The following NFE2L3 variants were observed in gnomAD, a reference collection of about 807,000 sequenced individuals.
NFE2L3 encodes the protein NFE2 like bZIP transcription factor 3.
In NFE2L3, 18 loss-of-function variants were observed where a neutral mutation model predicts 23.5. That is an observed-to-expected ratio of 0.77 (90% CI 0.53 to 1.13). The LOEUF is 1.13. Among genes scored for constraint, NFE2L3 ranks in the 50% most tolerant of loss-of-function variants. The probability of loss-of-function intolerance (pLI) is 0.00; values close to 1 mark genes in which losing one functional copy is unlikely to be tolerated. For missense variants in NFE2L3, 1,152 were observed against 877.2 expected (o/e 1.31, Z -3.96); for synonymous variants, 424 against 354.5 (o/e 1.20, Z -2.20).
chr7:26,166,610 G>A (rs1583929835), intron 1 of NFE2L3, among the ~76,000 whole-genome samples: 2 of 152,178 alleles, frequency 1.3e-5, no homozygotes, highest in East Asian at 1.9e-4. Context: ...CAGGGATGCC[G>A]AGCAGCTTCA....
chr7:26,176,014 G>A (rs1057478105), intron 1 of NFE2L3, among the ~76,000 whole-genome samples: 30 of 151,652 alleles, frequency 2.0e-4, no homozygotes, highest in Non-Finnish European at 4.0e-4. Context: ...GTGGCCTTCC[G>A]CAGTGTTTGT....
intron 1 of NFE2L3, among the ~76,000 whole-genome samples, chr7:26,156,897 G>C (rs1313236521): frequency 6.6e-6 from 1 of 152,004 alleles, no homozygotes; most frequent in Admixed American, 6.6e-5. Flanking sequence ...AGGATTACGA[G>C]ATCAAGACAT....
At chr7:26,157,116 G>GA (rs1298497330) in intron 1 of NFE2L3, among the ~76,000 whole-genome samples, 36 of 150,334 alleles carry the variant, frequency 2.4e-4, no homozygotes, top group Admixed American at 3.3e-4. Flanking sequence ...CATCTCAAAA[G>GA]AAAAAAAAAG....
At chr7:26,176,713 C>T (rs1336341435) in intron 1 of NFE2L3, among the ~76,000 whole-genome samples, 22 of 49,074 alleles carry the variant, frequency 4.5e-4, no homozygotes, top group Admixed American at 5.7e-4. Flanking sequence ...CAGGCAGAGG[C>T]GCTCCTCACA....
In NFE2L3 at chr7:26,152,619, C is replaced by A; in HGVS notation, c.121C>A (p.Leu41Met). Reference sequence around the variant, plus strand: ...TTACCTGCTGCTGCCGCCGCCCACCCTGCTGCAGGACGAGCTGCTGTTCCT... The same window carrying A: ...TTACCTGCTGCTGCCGCCGCCCACCATGCTGCAGGACGAGCTGCTGTTCCT... ...DLYLLLPPPTLLQDELLFLGG... is the reference protein window; with the variant it reads ...DLYLLLPPPTMLQDELLFLGG... The change falls in exon 1 of 4, where the codon CTG becomes ATG. Residue 41 changes from leucine to methionine, a missense_variant. By Grantham distance (15) the Leu-to-Met change is conservative. Coordinates refer to ENST00000056233, the MANE Select transcript of NFE2L3 (RefSeq NM_004289.7). This position sits in a 1 kb window ranked among gnomAD's most constrained non-coding sequence, Gnocchi z 4.4. 3 of 1,536,820 alleles carry A rather than the reference C, an allele frequency of 2.0e-6. No homozygotes were observed. The highest frequency in any genetic ancestry group is 2.6e-6 in the Non-Finnish European group (3 of 1,152,696).
intron 1 of NFE2L3, among the ~76,000 whole-genome samples, chr7:26,168,131 T>G (rs2128098553): frequency 6.8e-6 from 1 of 147,372 alleles, no homozygotes; most frequent in South Asian, 2.3e-4. Context: ...TGTGTCATTC[T>G]TGTCTTTTTT....
chr7:26,183,937 T>A, intron 3 of NFE2L3, 153 bp downstream of exon 3: 1 of 584,766 alleles, frequency 1.7e-6, no homozygotes, highest in Non-Finnish European at 3.1e-6. Context: ...CAAATATGTA[T>A]AGCATTCCTC....
chr7:26,181,423 TG>T (rs1784506813), intron 2 of NFE2L3, among the ~76,000 whole-genome samples: 1 of 152,198 alleles, frequency 6.6e-6, no homozygotes, highest in Non-Finnish European at 1.5e-5. Flanking sequence ...ATGACAACTC[TG>T]GAAGAATATC....
intron 2 of NFE2L3, among the ~76,000 whole-genome samples, chr7:26,182,995 C>T (rs1782363427): frequency 6.6e-6 from 1 of 152,036 alleles, no homozygotes; most frequent in Non-Finnish European, 1.5e-5. Flanking sequence ...TTGTGTTGCC[C>T]AAGCTGGTCT....
chr7:26,154,345 T>C (rs1385166103), intron 1 of NFE2L3, among the ~76,000 whole-genome samples: 1 of 152,010 alleles, frequency 6.6e-6, no homozygotes, highest in East Asian at 1.9e-4. Flanking sequence ...ACTTGTGCAC[T>C]ACCACCATTC....
rs1225060684 is a variant in NFE2L3 at position 26,184,855 on chromosome 7, T to G, written c.1157T>G (p.Ile386Arg). ...TSQDLLYDLD[I>R]NIFDEINLMS... The stretch of plus-strand genomic sequence containing the variant: ...CAAGACCTACTGTATGACCTTGACA[T>G]AAATATATTTGATGAGATAAACTTA... The change falls in exon 4 of 4, where the codon ATA becomes AGA. Residue 386 changes from isoleucine to arginine, a missense_variant. Physicochemically the swap from Ile to Arg is moderately conservative, Grantham distance 97 (BLOSUM62 -3). Coordinates refer to ENST00000056233, the MANE Select transcript of NFE2L3 (RefSeq NM_004289.7). 6.8e-6 allele frequency: 11 copies of G among 1,613,836 alleles called. 1 individual carries two copies. The highest frequency in any genetic ancestry group is 3.3e-5 in the South Asian group (3 of 91,072).
In NFE2L3 at chr7:26,185,367, A is replaced by G. The variant is rs1782455439; in HGVS notation, c.1669A>G (p.Met557Val). The G allele has an allele frequency of 2.5e-6, 4 of 1,614,172 alleles. No homozygotes were observed. Among genetic ancestry groups the G allele is most frequent in the Non-Finnish European group, 2.5e-6 (3 of 1,180,006 alleles). ...IPFSVDEIVGMPVDSFNSMLS... is the reference protein window; with the variant it reads ...IPFSVDEIVGVPVDSFNSMLS... ...TTTTTCTGTAGATGAAATTGTCGGC[A>G]TGCCTGTTGATTCTTTCAATAGCAT... is the stretch of plus-strand genomic sequence containing the variant. Residue 557 changes from methionine (M) to valine (V), a missense_variant, in exon 4 of 4, where the codon ATG (methionine) becomes GTG (valine). Physicochemically the swap from Met to Val is conservative, Grantham distance 21 (BLOSUM62 1). Coordinates refer to ENST00000056233, the MANE Select transcript of NFE2L3 (RefSeq NM_004289.7).
rs1782463228 is a variant in NFE2L3, at chr7:26,185,575, A to G, written c.1877A>G (p.Gln626Arg). 6.2e-7 allele frequency: 1 copy of G among 1,613,832 alleles called. No homozygotes were observed. Among genetic ancestry groups the G allele is most frequent in the South Asian group, 1.1e-5 (1 of 91,040 alleles). Residue 626 changes from glutamine (Q) to arginine (R), a missense_variant, in exon 4 of 4, where the codon CAA (glutamine) becomes CGA (arginine). Gln to Arg is a conservative substitution (Grantham distance 43). Coordinates refer to ENST00000056233, the MANE Select transcript of NFE2L3 (RefSeq NM_004289.7). ...KKETLKREQA[Q>R]CNKAINIMKQ... ...GAAACTCTTAAGAGAGAGCAAGCAC[A>G]ATGTAACAAAGCTATTAACATAATG...
intron 1 of NFE2L3, among the ~76,000 whole-genome samples, chr7:26,164,811 A>C (rs1189479632): frequency 1.3e-5 from 2 of 152,176 alleles, no homozygotes; most frequent in Non-Finnish European, 2.9e-5. Flanking sequence ...TAAGTCTTTA[A>C]TCCATCTTGA....
chr7:26,155,000 T>C (rs1332852410), intron 1 of NFE2L3, among the ~76,000 whole-genome samples: 1 of 152,200 alleles, frequency 6.6e-6, no homozygotes, highest in Non-Finnish European at 1.5e-5. Context: ...GTGCACCATG[T>C]TCACTGCTGG....
At chr7:26,157,017 C>G (rs910984741) in intron 1 of NFE2L3, among the ~76,000 whole-genome samples, 1 of 152,068 alleles carries the variant, frequency 6.6e-6, no homozygotes, top group Non-Finnish European at 1.5e-5. Flanking sequence ...GAGCCTGAGG[C>G]AAGAGACTCG....
intron 1 of NFE2L3, chr7:26,174,165 C>G (rs1385310107): frequency 6.6e-6 from 1 of 152,154 alleles, no homozygotes; most frequent in African/African-American, 2.4e-5. Context: ...GAAGAATCAG[C>G]AAAGCAGAAG....
intron 2 of NFE2L3, among the ~76,000 whole-genome samples, chr7:26,181,126 C>A (rs1296363865): frequency 3.9e-5 from 6 of 152,070 alleles, no homozygotes. Context: ...TAGGTGCACA[C>A]CACCATGCCC....
Position 26,152,976 on chromosome 7 carries a change from G to T in NFE2L3, c.478G>T (p.Ala160Ser). The part of the protein sequence containing the change: ...VQGGGGDPRA[A>S]RSGPLDAGEE... ...GGGGGGCGGCGGGGACCCCCGAGCG[G>T]CTCGGAGTGGCCCCTTGGACGCCGG... The change falls in exon 1 of 4, where the codon GCT (alanine) becomes TCT (serine). Residue 160 changes from alanine to serine, a missense_variant. Ala to Ser is a moderately conservative substitution (Grantham distance 99). Coordinates refer to ENST00000056233, the MANE Select transcript of NFE2L3 (RefSeq NM_004289.7). This position sits in a 1 kb window ranked among gnomAD's most constrained non-coding sequence, Gnocchi z 4.4. 6.6e-7 allele frequency: 1 copy of T among 1,504,504 alleles called. No individual in the cohort carries two copies. Among genetic ancestry groups the T allele is most frequent in the South Asian group, 1.2e-5 (1 of 82,048 alleles). The allele number at this position is 1,504,504 out of a possible 1,614,324, so 93.2% of individuals were successfully genotyped here.
Sources: allele counts gnomAD v4.1 joint callset (sites outside exome capture counted in the v4.1 genomes callset), GRCh38; gene constraint gnomAD v4.1.1; non-coding constraint Gnocchi (gnomAD v3.1); transcripts MANE v1.5; gene names NCBI Gene and HGNC (gene_info 2026-07-23, HGNC 2026-07-21).